The following SLC7A11 variants were observed in gnomAD, a reference collection of about 807,000 sequenced individuals.
The protein encoded by SLC7A11 is cystine/glutamate transporter.
In SLC7A11, 35 loss-of-function variants were observed where a neutral mutation model predicts 54.5. The ratio of observed to expected loss-of-function variants is 0.64; its 90% CI spans 0.49 to 0.85. SLC7A11 has a LOEUF of 0.85. Among genes scored for constraint, SLC7A11 ranks in the 40% least tolerant of loss-of-function variants. The probability of loss-of-function intolerance (pLI) is 0.00; values close to 1 mark genes in which losing one functional copy is unlikely to be tolerated. For missense variants in SLC7A11, 583 were observed against 618.1 expected (o/e 0.94, Z 0.60); for synonymous variants, 230 against 225.2 (o/e 1.02, Z -0.19).
At chr4:138,217,608 G>A (rs1037101264) in intron 5 of SLC7A11, among the ~76,000 whole-genome samples, 6 of 152,158 alleles carry the variant, frequency 3.9e-5, no homozygotes, top group African/African-American at 4.8e-5. Flanking sequence ...CAGATCTATC[G>A]TACTCTCAGG....
rs150016685 is a variant in SLC7A11, at chr4:138,201,066, T to C, written c.791+13519A>G. On this transcript the variant is annotated intron_variant, in intron 6 of 11. Coordinates refer to ENST00000280612, the MANE Select transcript of SLC7A11 (RefSeq NM_014331.4). ...GGACTTGGGATACCAAGAAAAGCAT[T>C]GTGCAAGGGGCAGTCTCCCAGGACC... Among the ~76,000 whole-genome samples, 150 of 152,192 alleles carry C rather than the reference T, an allele frequency of 9.9e-4. 1 individual carries two copies. The East Asian group carries it at 0.021, about 22-fold the overall frequency.
intron 1 of SLC7A11, among the ~76,000 whole-genome samples, chr4:138,239,250 C>A (rs1205081411): frequency 6.6e-6 from 1 of 152,156 alleles, no homozygotes; most frequent in African/African-American, 2.4e-5. Context: ...TTTACTGAAA[C>A]TCCAGGATGG....
intron 6 of SLC7A11, among the ~76,000 whole-genome samples, chr4:138,206,162 G>T (rs189703396): frequency 9.4e-4 from 142 of 151,726 alleles, no homozygotes; most frequent in African/African-American, 3.3e-3. Context: ...GGTCTTCAAG[G>T]TCCCCTCTAA....
chr4:138,221,797 A>T (rs1299252725), intron 4 of SLC7A11, among the ~76,000 whole-genome samples: 5 of 152,214 alleles, frequency 3.3e-5, no homozygotes, highest in African/African-American at 9.7e-5. Context: ...CTTACATTAC[A>T]CCAAAAAGAA....
intron 6 of SLC7A11, among the ~76,000 whole-genome samples, chr4:138,212,388 TAA>T (rs965213777): frequency 2.6e-5 from 4 of 151,654 alleles, no homozygotes; most frequent in African/African-American, 9.7e-5. Flanking sequence ...ATGTAGAAAT[TAA>T]AAAGTGACAG....
At position 138,232,303 on chromosome 4, in the gene SLC7A11, C is replaced by G. The variant is rs1188239892; in HGVS notation, c.484G>C (p.Glu162Gln). 1 of 1,613,084 alleles carries G rather than the reference C, an allele frequency of 6.2e-7. No homozygotes were observed. The highest frequency in any genetic ancestry group is 8.5e-7 in the Non-Finnish European group (1 of 1,179,298). ...EPFFIQCEIP[E>Q]LAIKLITAVG... ...GCTGTAATGAGCTTGATCGCAAGTT[C>G]AGGGATTTCACATTGAATAAAAAAT... The change falls in exon 3 of 12, where the codon GAA becomes CAA. Residue 162 changes from glutamate (E) to glutamine (Q), a missense_variant. By Grantham distance (29) the Glu-to-Gln change is conservative. Coordinates refer to ENST00000280612, the MANE Select transcript of SLC7A11 (RefSeq NM_014331.4).
chr4:138,231,299 C>T (rs979276971), intron 3 of SLC7A11, among the ~76,000 whole-genome samples: 9 of 151,928 alleles, frequency 5.9e-5, no homozygotes, highest in African/African-American at 9.7e-5. Context: ...AATATATCCA[C>T]GTAACACAAC....
chr4:138,207,429 G>C (rs1737435812), intron 6 of SLC7A11, among the ~76,000 whole-genome samples: 1 of 152,076 alleles, frequency 6.6e-6, no homozygotes, highest in Non-Finnish European at 1.5e-5. Context: ...TCTTGGCTAG[G>C]TGTGGTGGCT....
chr4:138,224,575 A>G (rs1033594887), intron 3 of SLC7A11, among the ~76,000 whole-genome samples: 1 of 152,116 alleles, frequency 6.6e-6, no homozygotes, highest in Non-Finnish European at 1.5e-5. Context: ...AATCAATGCA[A>G]ATGTCAGCAA....
chr4:138,241,563 C>G (rs1289842421), intron 1 of SLC7A11, among the ~76,000 whole-genome samples: 1 of 152,108 alleles, frequency 6.6e-6, no homozygotes, highest in Non-Finnish European at 1.5e-5. Context: ...GATAGCCTGT[C>G]TTAGTCAGGA....
intron 11 of SLC7A11, among the ~76,000 whole-genome samples, chr4:138,174,124 C>A (rs961251510): frequency 6.6e-6 from 1 of 152,176 alleles, no homozygotes; most frequent in African/African-American, 2.4e-5. Context: ...CTGAACTAAT[C>A]TCCATGACTG....
At chr4:138,238,685 T>C (rs185923427) in intron 1 of SLC7A11, among the ~76,000 whole-genome samples, 161 of 152,146 alleles carry the variant, frequency 1.1e-3, no homozygotes, top group South Asian at 4.8e-3. Flanking sequence ...CTGCAGCCTC[T>C]GCCTCCTGAG....
chr4:138,183,415 G>T (rs1045930380), intron 7 of SLC7A11, 110 bp from the exon 8 acceptor site: 42 of 696,826 alleles, frequency 6.0e-5, no homozygotes, highest in Non-Finnish European at 9.7e-5. Context: ...GGTGATACTT[G>T]TATGTTTTAT....
At chr4:138,217,442 T>C (rs1737705499) in intron 5 of SLC7A11, among the ~76,000 whole-genome samples, 1 of 152,086 alleles carries the variant, frequency 6.6e-6, no homozygotes, top group African/African-American at 2.4e-5. Context: ...TAATTCAAAA[T>C]GAAAAGGGTC....
chr4:138,230,545 A>G (rs1448842307), intron 3 of SLC7A11, among the ~76,000 whole-genome samples: 1 of 152,122 alleles, frequency 6.6e-6, no homozygotes, highest in Non-Finnish European at 1.5e-5. Context: ...AATATATAAA[A>G]CTGGGGCTTA....
intron 6 of SLC7A11, among the ~76,000 whole-genome samples, chr4:138,191,175 T>G (rs1005084111): frequency 6.6e-6 from 1 of 152,166 alleles, no homozygotes; most frequent in Non-Finnish European, 1.5e-5. Context: ...TAATGATGAT[T>G]CTGGGCCAAG....
chr4:138,182,435 A>C (rs1269068322), intron 8 of SLC7A11, 42 bp from the exon 9 acceptor site: 8 of 1,241,446 alleles, frequency 6.4e-6, no homozygotes, highest in Non-Finnish European at 7.1e-6. Context: ...TGTATGATTG[A>C]TCATTTCAAA....
At chr4:138,239,674 TTTA>T (rs1738330375) in intron 1 of SLC7A11, among the ~76,000 whole-genome samples, 1 of 136,194 alleles carries the variant, frequency 7.3e-6, no homozygotes, top group Non-Finnish European at 1.5e-5. Flanking sequence ...TTTCTCTCTT[TTTA>T]TTTTTTTTTG....
At chr4:138,215,138 A>C (rs905508733) in intron 5 of SLC7A11, among the ~76,000 whole-genome samples, 1 of 152,216 alleles carries the variant, frequency 6.6e-6, no homozygotes, top group African/African-American at 2.4e-5. Context: ...CGTACACTGC[A>C]GTACAAGTGT....
Sources: gnomAD v4.1 joint callset for allele counts (sites outside exome capture counted in the v4.1 genomes callset) on GRCh38, gnomAD v4.1.1 for gene constraint, MANE v1.5 for transcripts, NCBI Gene and HGNC (gene_info 2026-07-23, HGNC 2026-07-21) for gene names.